Variants in ARL13B observed in about 807,000 individuals in gnomAD.
The protein encoded by ARL13B is ARF like GTPase 13B.
In ARL13B, 36 loss-of-function variants were observed where a neutral mutation model predicts 56.1. The ratio of observed to expected loss-of-function variants is 0.64; its 90% confidence interval spans 0.49 to 0.85. ARL13B has a LOEUF of 0.85. ARL13B is among the 40% of genes least tolerant of loss of function. The probability of loss-of-function intolerance (pLI) is 0.00; values close to 1 mark genes in which losing one functional copy is unlikely to be tolerated. For missense variants in ARL13B, 519 were observed against 507.1 expected, an observed-to-expected ratio of 1.02 and a Z score of -0.23; for synonymous variants, 178 against 171.1, an observed-to-expected ratio of 1.04 and a Z score of -0.32.
chr3:94,022,925 A>G (rs1423311249), intron 3 of ARL13B, among the ~76,000 whole-genome samples: 2 of 152,026 alleles, frequency 1.3e-5, no homozygotes, highest in Non-Finnish European at 2.9e-5. Context: ...AGTGAATTGA[A>G]CATATCCTCT....
chr3:94,017,571 T>C (rs2076358641), intron 3 of ARL13B, among the ~76,000 whole-genome samples: 1 of 152,038 alleles, frequency 6.6e-6, no homozygotes, highest in Admixed American at 6.5e-5. Flanking sequence ...TGAAGTCTTA[T>C]ATGTATATAA....
chr3:93,980,634 G>A (rs1710167480), intron 1 of ARL13B, 152 bp downstream of exon 1: 1 of 930,832 alleles, frequency 1.1e-6, no homozygotes, highest in African/African-American at 1.7e-5. Context: ...GGGAGAGATT[G>A]GAGGATGTAG....
chr3:94,002,805 C>A (rs964664304), intron 2 of ARL13B, among the ~76,000 whole-genome samples: 17 of 152,034 alleles, frequency 1.1e-4, no homozygotes, highest in African/African-American at 3.6e-4. Flanking sequence ...TCTTCAGAAC[C>A]CTCTTCTATT....
rs933614692 is a variant in ARL13B at position 94,039,759 on chromosome 3, C to T, written c.690-121C>T. The T allele has an allele frequency of 5.2e-5, 43 of 834,068 alleles. 1 individual carries two copies. The highest frequency in any genetic ancestry group is 7.8e-5 in the Non-Finnish European group (41 of 526,632). The allele number at this position is 834,068 out of a possible 1,614,324, so 51.7% of individuals were successfully genotyped here. A position where few individuals can be genotyped will look rare whatever the true frequency, so the allele number is the denominator to read the frequency against. On this transcript the variant is annotated intron_variant, in intron 5 of 9. Transcript: ENST00000394222. ...GATTTTTGAAATGCTCTCAGTAATT[C>T]AAAACCATGTCCAGATGTTTAAATT...
At chr3:94,022,386 A>C (rs1381007137) in intron 3 of ARL13B, among the ~76,000 whole-genome samples, 1 of 152,108 alleles carries the variant, frequency 6.6e-6, no homozygotes, top group Non-Finnish European at 1.5e-5. Context: ...TCAGCCTCCC[A>C]AAGTGCTGGG....
At chr3:94,045,170 G>C (rs1281895266) in intron 7 of ARL13B, among the ~76,000 whole-genome samples, 4 of 152,032 alleles carry the variant, frequency 2.6e-5, no homozygotes, top group African/African-American at 9.7e-5. Flanking sequence ...TCTCTGAAAC[G>C]TGCTGTGTCA....
intron 3 of ARL13B, among the ~76,000 whole-genome samples, chr3:94,004,695 T>C (rs954944705): frequency 6.6e-6 from 1 of 152,048 alleles, no homozygotes; most frequent in Non-Finnish European, 1.5e-5. Flanking sequence ...CTCAGTGGTC[T>C]TCAGTAGTAA....
At chr3:94,046,051 T>TA (rs2076979231) in intron 7 of ARL13B, among the ~76,000 whole-genome samples, 2 of 150,170 alleles carry the variant, frequency 1.3e-5, no homozygotes, top group African/African-American at 4.9e-5. Context: ...CAGAGATCAA[T>TA]AAAACACAAT....
intron 3 of ARL13B, chr3:94,014,635 A>G (rs372663247): frequency 4.8e-5 from 77 of 1,613,594 alleles, no homozygotes; most frequent in Admixed American, 2.7e-4. Context: ...TCTCTGTTCA[A>G]TCTCTGAAAG....
intron 3 of ARL13B, among the ~76,000 whole-genome samples, chr3:94,034,666 A>C (rs1027083900): frequency 6.6e-6 from 1 of 152,176 alleles, no homozygotes; most frequent in Non-Finnish European, 1.5e-5. Flanking sequence ...CATTTAAAAC[A>C]TTACAGTTTG....
chr3:94,036,916 G>A (rs769610824), intron 5 of ARL13B, among the ~76,000 whole-genome samples, 162 bp downstream of exon 5: 27 of 152,044 alleles, frequency 1.8e-4, no homozygotes, highest in Admixed American at 6.6e-5. Context: ...TACAAGTTTG[G>A]GTGGTAGATT....
intron 1 of ARL13B, among the ~76,000 whole-genome samples, chr3:93,981,534 T>C (rs1289236023): frequency 6.6e-6 from 1 of 152,154 alleles, no homozygotes; most frequent in Admixed American, 6.5e-5. Context: ...TCCCCATTAT[T>C]AGCTCCTAAC....
At chr3:93,981,449 T>C (rs1365183420) in intron 1 of ARL13B, among the ~76,000 whole-genome samples, 1 of 152,192 alleles carries the variant, frequency 6.6e-6, no homozygotes, top group Non-Finnish European at 1.5e-5. Flanking sequence ...TCTGAAAAGC[T>C]ACACTTACAC....
chr3:94,049,574 G>GA, intron 8 of ARL13B, 52 bp downstream of exon 8: 7 of 977,328 alleles, frequency 7.2e-6, no homozygotes, highest in East Asian at 6.2e-5. Context: ...TTAAACAACA[G>GA]AGAAAAAAAA....
intron 7 of ARL13B, among the ~76,000 whole-genome samples, chr3:94,044,668 G>T (rs1303619302): frequency 6.8e-6 from 1 of 148,012 alleles, no homozygotes; most frequent in Admixed American, 6.7e-5. Flanking sequence ...GGGTAGGTGA[G>T]GAGTGCCTCT....
intron 6 of ARL13B, among the ~76,000 whole-genome samples, chr3:94,041,557 A>C (rs936125055): frequency 6.6e-6 from 1 of 152,196 alleles, no homozygotes; most frequent in Non-Finnish European, 1.5e-5. Context: ...TAGATCTTAT[A>C]CTACCCAATT....
chr3:94,055,600 G>A lies in ARL13B; in HGVS notation c.*2337G>A, dbSNP rs2077130776. On this transcript the variant is annotated 3_prime_UTR_variant, in exon 10 of 10. Transcript: ENST00000394222. ...AAAAGAGGCTCTTGTGTGCCTTTATGTGTAAAATGCATATTACGTAGTATA... is the reference window on the plus strand; with the variant it reads ...AAAAGAGGCTCTTGTGTGCCTTTATATGTAAAATGCATATTACGTAGTATA... 2.2e-6 allele frequency: 1 copy of A among 453,758 alleles called. No homozygotes were observed. Among genetic ancestry groups the A allele is most frequent in the African/African-American group, 2.0e-5 (1 of 49,980 alleles). 28.1% of individuals were successfully genotyped at this position (453,758 alleles called of 1,614,324 possible). A position where few individuals can be genotyped will look rare whatever the true frequency, so the allele number is the denominator to read the frequency against.
intron 8 of ARL13B, among the ~76,000 whole-genome samples, chr3:94,050,163 C>CG (rs1463883258): frequency 1.0e-4 from 12 of 116,308 alleles, no homozygotes; most frequent in East Asian, 4.7e-4. Flanking sequence ...GACTCCATCT[C>CG]GGGAAAAAAA....
chr3:93,981,833 C>T (rs1440339954), intron 1 of ARL13B, among the ~76,000 whole-genome samples: 4 of 134,458 alleles, frequency 3.0e-5, no homozygotes, highest in African/African-American at 1.1e-4. Flanking sequence ...GATATCGCTG[C>T]ACTCCCTGAG....
Sources: allele counts gnomAD v4.1 joint callset (sites outside exome capture counted in the v4.1 genomes callset), GRCh38; gene constraint gnomAD v4.1.1; transcripts MANE v1.5; gene names NCBI Gene and HGNC (gene_info 2026-07-23, HGNC 2026-07-21).